ATP2B2: variants seen among roughly 807,000 people sequenced by gnomAD.
The protein encoded by ATP2B2 is plasma membrane calcium-transporting ATPase 2.
Under a neutral mutation model 120.0 loss-of-function variants are expected in ATP2B2, and 15 were observed. The observed-to-expected ratio is 0.12, with a 90% CI of 0.08 to 0.19. The LOEUF (loss-of-function observed/expected upper bound fraction) is 0.19. ATP2B2 is among the 10% of genes least tolerant of loss of function. The probability of loss-of-function intolerance (pLI) is 1.00; values close to 1 mark genes in which losing one functional copy is unlikely to be tolerated. For synonymous variants in ATP2B2, 694 were observed against 700.3 expected, an observed-to-expected ratio of 0.99 and a Z score of 0.14; for missense variants, 1,045 against 1,719.8, an observed-to-expected ratio of 0.61 and a Z score of 6.94.
At chr3:10,407,044 A>C (rs1420251409) in intron 3 of ATP2B2, among the ~76,000 whole-genome samples, 2 of 152,150 alleles carry the variant, frequency 1.3e-5, no homozygotes, top group African/African-American at 4.8e-5. Flanking sequence ...GAAGGAGTCC[A>C]GTTGCGGGTC....
At chr3:10,574,092 C>T (rs1040548836) in intron 2 of ATP2B2, among the ~76,000 whole-genome samples, 1 of 152,200 alleles carries the variant, frequency 6.6e-6, no homozygotes, top group Admixed American at 6.5e-5. Flanking sequence ...TCCCTCTTGT[C>T]TTATCTCCCA....
intron 1 of ATP2B2, among the ~76,000 whole-genome samples, chr3:10,651,557 G>T (rs1419317559): frequency 6.6e-6 from 1 of 152,176 alleles, no homozygotes; most frequent in Non-Finnish European, 1.5e-5. Flanking sequence ...TTTGTAAATT[G>T]CCCAGTCTTG....
chr3:10,579,590 C>T (rs2068336635), intron 2 of ATP2B2, among the ~76,000 whole-genome samples: 1 of 152,200 alleles, frequency 6.6e-6, no homozygotes, highest in South Asian at 2.1e-4. Flanking sequence ...GGGCAGAGCA[C>T]CTGAGGTCAG....
At chr3:10,409,469 C>T (rs1488703741) in intron 3 of ATP2B2, among the ~76,000 whole-genome samples, 3 of 152,084 alleles carry the variant, frequency 2.0e-5, no homozygotes, top group Admixed American at 1.3e-4. Context: ...TGCCAGGAAC[C>T]TCAAGTCAGA....
intron 8 of ATP2B2, among the ~76,000 whole-genome samples, chr3:10,382,223 A>G (rs1355607412): frequency 1.4e-5 from 1 of 71,486 alleles, no homozygotes; most frequent in Non-Finnish European, 2.7e-5. Flanking sequence ...TTTTGTAGAG[A>G]TGTGGTCTCA....
intron 1 of ATP2B2, among the ~76,000 whole-genome samples, chr3:10,660,762 T>C (rs528316772): frequency 5.9e-5 from 9 of 152,342 alleles, no homozygotes; most frequent in African/African-American, 2.2e-4. Flanking sequence ...GCCAGCATCA[T>C]CCTGATACCA....
At chr3:10,606,158 G>A (rs138118860) in intron 2 of ATP2B2, among the ~76,000 whole-genome samples, 2 of 152,214 alleles carry the variant, frequency 1.3e-5, no homozygotes, top group Non-Finnish European at 2.9e-5. Context: ...CTAAGGACTC[G>A]GGTTGCTGTT....
At chr3:10,605,531 G>A (rs1017581540) in intron 2 of ATP2B2, among the ~76,000 whole-genome samples, 1 of 152,144 alleles carries the variant, frequency 6.6e-6, no homozygotes, top group Non-Finnish European at 1.5e-5. Flanking sequence ...CCAGAGCTGG[G>A]GCTCCTTAGC....
Position 10,343,457 on chromosome 3 carries a change from G to GT in ATP2B2, c.2704-493dup. Among the ~76,000 whole-genome samples the GT allele has an allele frequency of 6.8e-6, 1 of 147,842 alleles. No individual in the cohort carries two copies. The highest frequency in any genetic ancestry group is 2.1e-4 in the South Asian group (1 of 4,686). ...GCCTTACCTTAAAAAATTATTGTGC[G>GT]TATCTATGACTCAAAAATTAATACA... On this transcript the variant is annotated intron_variant, in intron 18 of 22. Coordinates refer to ENST00000360273, the MANE Select transcript of ATP2B2 (RefSeq NM_001001331.4). This position sits in a 1 kb window ranked among gnomAD's most constrained non-coding sequence, Gnocchi z 4.2.
rs528230078 is a variant in ATP2B2, at chr3:10,415,056, C to A, written c.200-4241G>T. Among the ~76,000 whole-genome samples, 38 of 152,266 alleles carry A rather than the reference C, an allele frequency of 2.5e-4. 1 individual carries two copies. The South Asian group carries it at 2.7e-3, about 11-fold the overall frequency. ...TCTTCTCAGTGGAAGAACAGCCAAGCCGGAGCTGAGGAAACCAAGCCCCAA... is the reference window on the plus strand; with the variant it reads ...TCTTCTCAGTGGAAGAACAGCCAAGACGGAGCTGAGGAAACCAAGCCCCAA... On this transcript the variant is annotated intron_variant, in intron 2 of 22. Coordinates refer to ENST00000360273, the MANE Select transcript of ATP2B2 (RefSeq NM_001001331.4).
At chr3:10,499,182 G>A (rs559102564) in intron 1 of ATP2B2, among the ~76,000 whole-genome samples, 2 of 152,300 alleles carry the variant, frequency 1.3e-5, no homozygotes, top group Admixed American at 6.5e-5. Context: ...TGCTTCCTTT[G>A]CATTACTTCA....
chr3:10,448,720 G>C (rs866075007), intron 2 of ATP2B2, among the ~76,000 whole-genome samples: 2 of 152,278 alleles, frequency 1.3e-5, no homozygotes, highest in Middle Eastern at 3.4e-3. Flanking sequence ...AGCAACCCTA[G>C]AGCTGTGATG....
In ATP2B2 at chr3:10,388,334, T is replaced by C. The variant is rs1010759595; in HGVS notation, c.850A>G (p.Ile284Val). 3 of 1,614,062 alleles carry C rather than the reference T, an allele frequency of 1.9e-6. No homozygotes were observed. The highest frequency in any genetic ancestry group is 2.5e-6 in the Non-Finnish European group (3 of 1,180,040). ...TAVGVNSQTGIIFTLLGAGGE... is the reference protein window; with the variant it reads ...TAVGVNSQTGVIFTLLGAGGE... ...CCAGCCCCCAGGAGGGTAAAGATGATGCCAGTCTGAGAGTTCACACCCACA... is the reference window on the plus strand; with the variant it reads ...CCAGCCCCCAGGAGGGTAAAGATGACGCCAGTCTGAGAGTTCACACCCACA... The change falls in exon 6 of 23, where the codon ATC becomes GTC. Residue 284 changes from isoleucine (I) to valine (V), a missense_variant. By Grantham distance (29) the Ile-to-Val change is conservative. This residue lies in a region of ATP2B2 where 145 missense variants were observed against 202.0 expected (regional missense o/e 0.72). Coordinates refer to ENST00000360273, the MANE Select transcript of ATP2B2 (RefSeq NM_001001331.4).
At chr3:10,546,388 C>G (rs1043558441) in intron 2 of ATP2B2, among the ~76,000 whole-genome samples, 1 of 152,194 alleles carries the variant, frequency 6.6e-6, no homozygotes, top group Admixed American at 6.5e-5. Context: ...CCACCTTAGC[C>G]GGACACCTCC....
intron 1 of ATP2B2, among the ~76,000 whole-genome samples, chr3:10,466,783 C>A (rs2064761310): frequency 1.3e-5 from 2 of 152,164 alleles, no homozygotes; most frequent in African/African-American, 4.8e-5. Flanking sequence ...CAGTTTTAAG[C>A]TCAAAAGGAT....
At position 10,449,196 on chromosome 3, in the gene ATP2B2, C is replaced by G. The variant is rs374556726; in HGVS notation, c.199+149G>C. On this transcript the variant is annotated intron_variant, in intron 2 of 22. Coordinates refer to ENST00000360273, the MANE Select transcript of ATP2B2 (RefSeq NM_001001331.4). ...CAGCCTATCCAGAGGGGCTGATACTCAGCTAGAATGCACTACAATGGCCAT... is the reference window on the plus strand; with the variant it reads ...CAGCCTATCCAGAGGGGCTGATACTGAGCTAGAATGCACTACAATGGCCAT... 66 of 928,588 alleles carry G rather than the reference C, an allele frequency of 7.1e-5. No individual in the cohort carries two copies. The African/African-American group carries it at 1.0e-3, about 14-fold the overall frequency. 57.5% of individuals were successfully genotyped at this position (928,588 alleles called of 1,614,324 possible). A position where few individuals can be genotyped will look rare whatever the true frequency, so the allele number is the denominator to read the frequency against.
At position 10,325,602 on chromosome 3, in the gene ATP2B2, A is replaced by T. The variant is rs1470037234; in HGVS notation, c.*3212T>A. Reference sequence around the variant, plus strand: ...GAAATAGGACTGCCTCTCTCTTGTCATCTCTATGCTATGGTTGGGACAAGG... The same window carrying T: ...GAAATAGGACTGCCTCTCTCTTGTCTTCTCTATGCTATGGTTGGGACAAGG... On this transcript the variant is annotated 3_prime_UTR_variant, in exon 23 of 23. Transcript: ENST00000360273. 1 of 152,194 alleles carries T rather than the reference A, an allele frequency of 6.6e-6. No individual in the cohort carries two copies. The highest frequency in any genetic ancestry group is 1.5e-5 in the Non-Finnish European group (1 of 68,050). 9.4% of individuals were successfully genotyped at this position (152,194 alleles called of 1,614,324 possible).
intron 2 of ATP2B2, among the ~76,000 whole-genome samples, chr3:10,431,584 G>C (rs1287338103): frequency 6.6e-6 from 1 of 152,134 alleles, no homozygotes; most frequent in East Asian, 1.9e-4. Context: ...GCCTATACTT[G>C]CTTTTTTGCT....
chr3:10,397,363 G>A (rs558308791), intron 5 of ATP2B2, among the ~76,000 whole-genome samples: 228 of 152,312 alleles, frequency 1.5e-3, no homozygotes, highest in Non-Finnish European at 2.6e-3. Context: ...AGTGAGATCC[G>A]GTTGGGTGGT....
Sources: gnomAD v4.1 joint callset for allele counts (sites outside exome capture counted in the v4.1 genomes callset) on GRCh38, gnomAD v4.1.1 for gene constraint, gnomAD v4.1.1 regional missense constraint, Gnocchi (gnomAD v3.1) non-coding constraint, MANE v1.5 for transcripts, NCBI Gene and HGNC (gene_info 2026-07-23, HGNC 2026-07-21) for gene names.